The following ADARB2 variants were observed in gnomAD, a reference collection of about 807,000 sequenced individuals.
ADARB2 encodes the protein inactive double-stranded RNA-specific editase B2.
ADARB2 carries 25 observed loss-of-function variants against 62.2 expected under a neutral mutation model. That is an observed-to-expected ratio of 0.40 (90% CI 0.29 to 0.56). The LOEUF is 0.56. Ranked by LOEUF, ADARB2 falls within the 20% of genes least tolerant of loss-of-function variation. The probability of loss-of-function intolerance (pLI) is 0.43; values close to 1 mark genes in which losing one functional copy is unlikely to be tolerated. For missense variants in ADARB2, 1,071 were observed against 1,077.4 expected, an observed-to-expected ratio of 0.99 and a Z score of 0.08; for synonymous variants, 572 against 500.8, an observed-to-expected ratio of 1.14 and a Z score of -1.90.
chr10:1,444,152 A>T (rs1239449877), intron 1 of ADARB2, among the ~76,000 whole-genome samples: 1 of 151,488 alleles, frequency 6.6e-6, no homozygotes, highest in Non-Finnish European at 1.5e-5. Context: ...TCACTCATTC[A>T]TCCATCCATC....
chr10:1,275,194 CT>C (rs1831303690), intron 3 of ADARB2, among the ~76,000 whole-genome samples: 1 of 152,248 alleles, frequency 6.6e-6, no homozygotes, highest in African/African-American at 2.4e-5. Flanking sequence ...CTGGGGAGGG[CT>C]TGCATGGCCA....
chr10:1,719,542 G>A (rs1011927974), intron 1 of ADARB2, among the ~76,000 whole-genome samples: 1 of 152,134 alleles, frequency 6.6e-6, no homozygotes, highest in Non-Finnish European at 1.5e-5. Flanking sequence ...ACCAAAAATT[G>A]GCAAATGGGA....
chr10:1,370,890 C>A (rs1236329618), intron 2 of ADARB2, among the ~76,000 whole-genome samples: 1 of 152,188 alleles, frequency 6.6e-6, no homozygotes, highest in Non-Finnish European at 1.5e-5. Flanking sequence ...AAGCAGTCGG[C>A]AGATTCAATG....
intron 1 of ADARB2, among the ~76,000 whole-genome samples, chr10:1,610,772 GCA>G (rs1833559313): frequency 2.7e-5 from 4 of 149,404 alleles, no homozygotes; most frequent in African/African-American, 9.8e-5. Flanking sequence ...ACACACACAT[GCA>G]CAGACACACA....
chr10:1,631,451 C>T (rs187865468), intron 1 of ADARB2, among the ~76,000 whole-genome samples: 187 of 152,314 alleles, frequency 1.2e-3, no homozygotes, highest in Middle Eastern at 6.8e-3. Flanking sequence ...CATGCCAGGG[C>T]GTATCACCTT....
At chr10:1,546,215 G>A (rs766282264) in intron 1 of ADARB2, among the ~76,000 whole-genome samples, 52 of 152,246 alleles carry the variant, frequency 3.4e-4, no homozygotes, top group African/African-American at 1.1e-3. Context: ...GATTTTAGTC[G>A]GTCCAGGAGA....
Position 1,425,440 on chromosome 10 carries a change from A to G in ADARB2, c.101-46280T>C, listed in dbSNP as rs75060229. On this transcript the variant is annotated intron_variant, in intron 1 of 9. Coordinates refer to ENST00000381312, the MANE Select transcript of ADARB2 (RefSeq NM_018702.4). ...AACAAATGTTGCTTTGATTGAATCA[A>G]TTCAAGTTTGTATCCTTCAAGCAAT... is the stretch of plus-strand genomic sequence containing the variant. Among the ~76,000 whole-genome samples, 565 of 152,352 alleles carry G rather than the reference A, an allele frequency of 3.7e-3. 1 individual carries two copies. Among genetic ancestry groups the G allele is most frequent in the Non-Finnish European group, 6.6e-3 (449 of 68,024 alleles).
intron 1 of ADARB2, among the ~76,000 whole-genome samples, chr10:1,427,454 C>A (rs943989976): frequency 1.3e-5 from 2 of 152,128 alleles, no homozygotes; most frequent in Non-Finnish European, 2.9e-5. Context: ...ATACAGTTGG[C>A]AAATAGGCAT....
chr10:1,665,341 G>C (rs1564362156), intron 1 of ADARB2, among the ~76,000 whole-genome samples: 1 of 152,262 alleles, frequency 6.6e-6, no homozygotes, highest in Admixed American at 6.5e-5. Flanking sequence ...CAGACACTGA[G>C]CGTGGCTGGG....
At chr10:1,462,687 A>C (rs1388247647) in intron 1 of ADARB2, among the ~76,000 whole-genome samples, 1 of 127,250 alleles carries the variant, frequency 7.9e-6, no homozygotes, top group Non-Finnish European at 1.7e-5. Flanking sequence ...GTATGTGTGC[A>C]TGTGTGTGTG....
chr10:1,633,387 T>G (rs1189352830), intron 1 of ADARB2, among the ~76,000 whole-genome samples: 1 of 152,142 alleles, frequency 6.6e-6, no homozygotes, highest in African/African-American at 2.4e-5. Context: ...TCAAAGGAAA[T>G]GCTCACCAGA....
intron 1 of ADARB2, chr10:1,678,264 G>C: frequency 1.0e-6 from 1 of 985,104 alleles, no homozygotes; most frequent in Non-Finnish European, 1.2e-6. Context: ...CATCCTCAGG[G>C]TGAGGGACCT....
intron 1 of ADARB2, among the ~76,000 whole-genome samples, chr10:1,670,713 T>TA (rs2119100989): frequency 6.6e-6 from 1 of 152,316 alleles, no homozygotes; most frequent in South Asian, 2.1e-4. Flanking sequence ...GTGTGTGACT[T>TA]AAACACGTCA....
chr10:1,590,608 G>A (rs974145827), intron 1 of ADARB2, among the ~76,000 whole-genome samples: 6 of 152,118 alleles, frequency 3.9e-5, no homozygotes, highest in Non-Finnish European at 5.9e-5. Flanking sequence ...AATGCTGACC[G>A]GAAAAAACCA....
Position 1,572,483 on chromosome 10 carries a change from A to T in ADARB2, c.100+164568T>A, listed in dbSNP as rs1386784225. Reference sequence around the variant, plus strand: ...GTGCCCTTTCTCGTCCATCTGAATGACTGTGAGGGTGTTTGTTTTGTTTTG... The same window carrying T: ...GTGCCCTTTCTCGTCCATCTGAATGTCTGTGAGGGTGTTTGTTTTGTTTTG... On this transcript the variant is annotated intron_variant, in intron 1 of 9. Coordinates refer to ENST00000381312, the MANE Select transcript of ADARB2 (RefSeq NM_018702.4). 5.3e-5 allele frequency among the ~76,000 whole-genome samples: 8 copies of T among 152,218 alleles called. No homozygotes were observed. The South Asian group carries it at 6.2e-4, about 12-fold the overall frequency.
chr10:1,351,436 G>T (rs942167150), intron 3 of ADARB2, among the ~76,000 whole-genome samples: 1 of 151,438 alleles, frequency 6.6e-6, no homozygotes, highest in African/African-American at 2.4e-5. Flanking sequence ...CCCAACTCTG[G>T]TGCCAACTTA....
chr10:1,192,786 A>C (rs1228565092), intron 8 of ADARB2, among the ~76,000 whole-genome samples: 1 of 151,724 alleles, frequency 6.6e-6, no homozygotes, highest in African/African-American at 2.4e-5. Context: ...TTAAAAATAC[A>C]AAAAAAAATT....
At chr10:1,734,839 GGTT>G (rs139785491) in intron 1 of ADARB2, among the ~76,000 whole-genome samples, 121 of 152,170 alleles carry the variant, frequency 8.0e-4, no homozygotes, top group African/African-American at 2.8e-3. Context: ...ATTCATTTAT[GGTT>G]GTTAAGATTC....
chr10:1,387,616 C>T (rs956915543), intron 1 of ADARB2, among the ~76,000 whole-genome samples: 1 of 151,934 alleles, frequency 6.6e-6, no homozygotes, highest in African/African-American at 2.4e-5. Flanking sequence ...ATAGTAAAAA[C>T]AACCTCACAT....
Sources: gnomAD v4.1 joint callset for allele counts (sites outside exome capture counted in the v4.1 genomes callset) on GRCh38, gnomAD v4.1.1 for gene constraint, MANE v1.5 for transcripts, NCBI Gene and HGNC (gene_info 2026-07-23, HGNC 2026-07-21) for gene names.